The following TENM4 variants were observed in gnomAD, a reference collection of about 807,000 sequenced individuals.
The protein encoded by TENM4 is teneurin transmembrane protein 4.
Under a neutral mutation model 243.3 loss-of-function variants are expected in TENM4, and 82 were observed. The ratio of observed to expected loss-of-function variants is 0.34; its 90% CI spans 0.28 to 0.40. TENM4 has a LOEUF of 0.40. Ranked by LOEUF, TENM4 falls within the 10% of genes least tolerant of loss-of-function variation. TENM4 has a pLI of 1.00. For synonymous variants in TENM4, 1,412 were observed against 1,456.3 expected (o/e 0.97, Z 0.69); for missense variants, 3,138 against 3,673.3 (o/e 0.85, Z 3.77).
intron 6 of TENM4, among the ~76,000 whole-genome samples, chr11:78,934,409 AATCATGT>A (rs1017444614): frequency 2.2e-5 from 1 of 45,606 alleles, no homozygotes; most frequent in African/African-American, 3.3e-5. Flanking sequence ...GGGAAACATG[AATCATGT>A]GGGATCTTTC....
intron 2 of TENM4, among the ~76,000 whole-genome samples, chr11:79,285,766 A>C (rs866920199): frequency 5.3e-5 from 8 of 152,184 alleles, no homozygotes; most frequent in Middle Eastern, 3.4e-3. Flanking sequence ...CAAAAAAAAA[A>C]CAGACACAAA....
At chr11:79,225,479 C>T (rs1399947826) in intron 2 of TENM4, among the ~76,000 whole-genome samples, 1 of 152,142 alleles carries the variant, frequency 6.6e-6, no homozygotes, top group African/African-American at 2.4e-5. Context: ...GTGCCATGAT[C>T]TTAGCTCACT....
chr11:79,306,529 T>C (rs1475227296), intron 1 of TENM4, among the ~76,000 whole-genome samples: 1 of 152,054 alleles, frequency 6.6e-6, no homozygotes, highest in Non-Finnish European at 1.5e-5. Context: ...GCAAGATAGG[T>C]GGGCTGAGGT....
At chr11:79,074,691 T>C (rs1055143437) in intron 4 of TENM4, among the ~76,000 whole-genome samples, 1 of 152,166 alleles carries the variant, frequency 6.6e-6, no homozygotes, top group Non-Finnish European at 1.5e-5. Flanking sequence ...TGGTGTTGGG[T>C]GGACTCACCT....
intron 6 of TENM4, among the ~76,000 whole-genome samples, chr11:78,939,733 C>T (rs968590381): frequency 2.6e-5 from 4 of 152,152 alleles, no homozygotes; most frequent in Admixed American, 6.5e-5. Flanking sequence ...TAGAACAATC[C>T]ATAGCACTTA....
chr11:79,186,796 T>A (rs1044661366), intron 3 of TENM4, among the ~76,000 whole-genome samples: 1 of 152,220 alleles, frequency 6.6e-6, no homozygotes, highest in Non-Finnish European at 1.5e-5. Context: ...CTGCTTTGAA[T>A]CTATACTTGA....
At chr11:78,905,151 C>T (rs1307251989) in intron 6 of TENM4, among the ~76,000 whole-genome samples, 3 of 152,198 alleles carry the variant, frequency 2.0e-5, no homozygotes, top group African/African-American at 7.2e-5. Context: ...TATTCTGCTT[C>T]CTTTGTTCCT....
At chr11:79,102,902 C>T (rs79446974) in intron 4 of TENM4, among the ~76,000 whole-genome samples, 2,480 of 152,110 alleles carry the variant, frequency 0.016, 72 homozygotes, top group African/African-American at 0.057. Context: ...TTTAAATAGC[C>T]GCCTGTGGCT....
intron 9 of TENM4, among the ~76,000 whole-genome samples, chr11:78,879,403 G>T (rs1347628808): frequency 6.6e-6 from 1 of 151,534 alleles, no homozygotes; most frequent in Non-Finnish European, 1.5e-5. Flanking sequence ...TGTCTGGGAG[G>T]TGGGGAGTGC....
chr11:78,813,431 C>T (rs922304940), intron 13 of TENM4, among the ~76,000 whole-genome samples: 2 of 152,198 alleles, frequency 1.3e-5, no homozygotes, highest in Non-Finnish European at 2.9e-5. Flanking sequence ...CACTTACTAT[C>T]GTACTGCTTT....
At chr11:78,738,369 C>A in intron 20 of TENM4, 82 bp downstream of exon 20, 1 of 1,513,430 alleles carries the variant, frequency 6.6e-7, no homozygotes, top group African/African-American at 1.4e-5. Context: ...CCTCTTTCCA[C>A]ATTATCAGTC....
In TENM4 at chr11:79,081,318, T is replaced by C. The variant is rs528483470; in HGVS notation, c.-65-11309A>G. 3.9e-5 allele frequency among the ~76,000 whole-genome samples: 6 copies of C among 152,322 alleles called. No homozygotes were observed. The East Asian group carries it at 1.2e-3, about 29-fold the overall frequency. On this transcript the variant is annotated intron_variant, in intron 4 of 33. Coordinates refer to ENST00000278550, the MANE Select transcript of TENM4 (RefSeq NM_001098816.3). The stretch of plus-strand genomic sequence containing the variant: ...TGCTCTGTTGAGCAGGGAAGGAATA[T>C]CACAATGGCTTCTCCGGGTGCCATC...
At chr11:79,047,891 T>C (rs188898496) in intron 6 of TENM4, among the ~76,000 whole-genome samples, 1 of 152,126 alleles carries the variant, frequency 6.6e-6, no homozygotes, top group African/African-American at 2.4e-5. Context: ...ATCTGACCTG[T>C]AATAAGTACT....
chr11:78,825,509 G>A (rs2136132538), intron 12 of TENM4, among the ~76,000 whole-genome samples: 1 of 152,178 alleles, frequency 6.6e-6, no homozygotes, highest in East Asian at 1.9e-4. Context: ...TAATATCCTT[G>A]GGCTGGGGCT....
At chr11:79,024,806 C>T (rs1859033169) in intron 6 of TENM4, among the ~76,000 whole-genome samples, 1 of 152,240 alleles carries the variant, frequency 6.6e-6, no homozygotes, top group Non-Finnish European at 1.5e-5. Flanking sequence ...ATACTATCCT[C>T]ATTTTCTACA....
chr11:78,782,216 T>C (rs1474001773), intron 16 of TENM4, among the ~76,000 whole-genome samples: 1 of 150,054 alleles, frequency 6.7e-6, no homozygotes, highest in Non-Finnish European at 1.5e-5. Context: ...CCCAGCACTT[T>C]GGGAGGCTGA....
At chr11:78,726,670 G>C (rs115439009) in intron 22 of TENM4, among the ~76,000 whole-genome samples, 4,045 of 152,084 alleles carry the variant, frequency 0.027, 160 homozygotes, top group African/African-American at 0.093. Flanking sequence ...ATCATGGTGA[G>C]CGAGTTCTCC....
At chr11:78,911,170 T>C (rs1856175820) in intron 6 of TENM4, among the ~76,000 whole-genome samples, 1 of 152,032 alleles carries the variant, frequency 6.6e-6, no homozygotes, top group Admixed American at 6.5e-5. Flanking sequence ...TGAGGAAGGG[T>C]GTTTTCTGGT....
At chr11:78,903,916 G>A (rs1215721929) in intron 6 of TENM4, 1 of 494,502 alleles carries the variant, frequency 2.0e-6, no homozygotes, top group Admixed American at 2.3e-5. Context: ...ATGAAAATAA[G>A]CCCTGCCCCA....
Sources: gnomAD v4.1 joint callset for allele counts (sites outside exome capture counted in the v4.1 genomes callset) on GRCh38, gnomAD v4.1.1 for gene constraint, MANE v1.5 for transcripts, NCBI Gene and HGNC (gene_info 2026-07-23, HGNC 2026-07-21) for gene names.